The following TMPRSS15 variants were observed in gnomAD, a reference collection of about 807,000 sequenced individuals.
The protein encoded by TMPRSS15 is enteropeptidase.
Under a neutral mutation model 125.3 loss-of-function variants are expected in TMPRSS15, and 128 were observed. That is an observed-to-expected ratio of 1.02 (90% CI 0.89 to 1.18). The LOEUF is 1.18. Ranked by LOEUF, TMPRSS15 falls within the 50% of genes most tolerant of loss-of-function variation. The pLI is 0.00. For synonymous variants in TMPRSS15, 446 were observed against 423.2 expected (o/e 1.05, Z -0.66); for missense variants, 1,283 against 1,212.7 (o/e 1.06, Z -0.86).
intron 3 of TMPRSS15, among the ~76,000 whole-genome samples, chr21:18,387,011 A>T (rs2075950012): frequency 6.6e-6 from 1 of 152,206 alleles, no homozygotes; most frequent in Non-Finnish European, 1.5e-5. Flanking sequence ...CATTACATTT[A>T]ATAATTTATA....
chr21:18,315,038 G>C (rs2075146622), intron 17 of TMPRSS15, 108 bp downstream of exon 17: 2 of 870,122 alleles, frequency 2.3e-6, no homozygotes, highest in East Asian at 2.5e-5. Flanking sequence ...TCGTTCCAAA[G>C]CATCAAAACA....
At chr21:18,367,970 G>A (rs934193162) in intron 6 of TMPRSS15, among the ~76,000 whole-genome samples, 3 of 151,998 alleles carry the variant, frequency 2.0e-5, no homozygotes, top group Admixed American at 6.6e-5. Flanking sequence ...AAAAGCAGGG[G>A]GGAAAGCATA....
At chr21:18,409,890 C>T (rs1215592105) in intron 1 of TMPRSS15, among the ~76,000 whole-genome samples, 2 of 118,646 alleles carry the variant, frequency 1.7e-5, no homozygotes, top group East Asian at 5.9e-4. Flanking sequence ...TCCCTCCCTC[C>T]CTTCCTTCCT....
intron 21 of TMPRSS15, among the ~76,000 whole-genome samples, chr21:18,281,508 G>A (rs1847994371): frequency 6.6e-6 from 1 of 152,092 alleles, no homozygotes; most frequent in Non-Finnish European, 1.5e-5. Context: ...AATCTCGTGA[G>A]GTGCTTTTAA....
intron 10 of TMPRSS15, among the ~76,000 whole-genome samples, chr21:18,348,646 T>G (rs1450335504): frequency 1.3e-5 from 2 of 152,170 alleles, no homozygotes; most frequent in Non-Finnish European, 2.9e-5. Context: ...AATGTTACTT[T>G]TAAAACATTA....
intron 18 of TMPRSS15, among the ~76,000 whole-genome samples, chr21:18,312,441 C>T (rs1168488592): frequency 2.0e-5 from 3 of 150,614 alleles, no homozygotes; most frequent in South Asian, 4.3e-4. Context: ...AATACTGTAG[C>T]GGGAGAGGTT....
At chr21:18,333,365 A>G (rs908292426) in intron 13 of TMPRSS15, among the ~76,000 whole-genome samples, 2 of 152,176 alleles carry the variant, frequency 1.3e-5, no homozygotes, top group Admixed American at 6.5e-5. Flanking sequence ...CCCTAAAATT[A>G]TTTGTACAAA....
At chr21:18,305,658 C>T (rs1170305482) in intron 18 of TMPRSS15, among the ~76,000 whole-genome samples, 2 of 152,130 alleles carry the variant, frequency 1.3e-5, no homozygotes, top group African/African-American at 4.8e-5. Context: ...GCTGGTGTAG[C>T]TGCTGTATTA....
chr21:18,454,759 C>T (rs1007194005), intron 1 of TMPRSS15, among the ~76,000 whole-genome samples: 1 of 152,130 alleles, frequency 6.6e-6, no homozygotes, highest in Admixed American at 6.6e-5. Context: ...TTGGATAATG[C>T]CTGTTCTCAT....
rs374692259 is a variant in TMPRSS15, at chr21:18,452,583, C to T, written c.10+33216G>A. On this transcript the variant is annotated intron_variant, in intron 1 of 7. Coordinates refer to the TMPRSS15 transcript ENST00000422787. ...TGAGAGGCTGAGGTGGGAGAATCAC[C>T]GGAGCCCTGGATGGGATGTTGAGGC... 5.3e-5 allele frequency among the ~76,000 whole-genome samples: 8 copies of T among 152,188 alleles called. No homozygotes were observed. In the South Asian group the frequency reaches 1.0e-3, roughly 20 times the overall value.
At chr21:18,426,802 G>A (rs1160476398) in intron 1 of TMPRSS15, among the ~76,000 whole-genome samples, 1 of 152,068 alleles carries the variant, frequency 6.6e-6, no homozygotes, top group Non-Finnish European at 1.5e-5. Context: ...GTTGCCAAAC[G>A]GTTTGTCAAT....
intron 1 of TMPRSS15, among the ~76,000 whole-genome samples, chr21:18,438,922 T>C (rs540450487): frequency 6.6e-6 from 1 of 152,336 alleles, no homozygotes; most frequent in South Asian, 2.1e-4. Flanking sequence ...ATTCTTTTGT[T>C]TTCCATAAAA....
chr21:18,318,419 A>C (rs28533761), intron 16 of TMPRSS15, among the ~76,000 whole-genome samples: 2,034 of 152,272 alleles, frequency 0.013, 47 homozygotes, highest in African/African-American at 0.043. Flanking sequence ...AAAATAAATA[A>C]ATAAATAAAA....
chr21:18,362,234 T>C (rs2075685371), intron 7 of TMPRSS15, among the ~76,000 whole-genome samples: 1 of 152,256 alleles, frequency 6.6e-6, no homozygotes, highest in Non-Finnish European at 1.5e-5. Context: ...AGCCTGCTGG[T>C]GAGACCTTTA....
chr21:18,306,977 A>G (rs2075045636), intron 18 of TMPRSS15, among the ~76,000 whole-genome samples: 1 of 152,206 alleles, frequency 6.6e-6, no homozygotes, highest in Non-Finnish European at 1.5e-5. Context: ...TCTGAGGGGA[A>G]TTGCATTTTG....
intron 1 of TMPRSS15, among the ~76,000 whole-genome samples, chr21:18,468,964 T>C (rs889183729): frequency 6.6e-6 from 1 of 152,168 alleles, no homozygotes. Flanking sequence ...TTCCTCTGAA[T>C]GAAAGAAATC....
chr21:18,461,439 A>G (rs1421372169), intron 1 of TMPRSS15, among the ~76,000 whole-genome samples: 2 of 152,068 alleles, frequency 1.3e-5, no homozygotes, highest in South Asian at 2.1e-4. Flanking sequence ...CAAAATCCCT[A>G]GTGTTTCAGT....
chr21:18,446,734 T>C (rs929805859), intron 1 of TMPRSS15, among the ~76,000 whole-genome samples: 3 of 152,088 alleles, frequency 2.0e-5, no homozygotes, highest in Non-Finnish European at 4.4e-5. Context: ...AAGCTGAATA[T>C]CCACATGTCG....
At chr21:18,332,224 A>G in intron 13 of TMPRSS15, 51 bp from the exon 14 acceptor site, 1 of 1,485,774 alleles carries the variant, frequency 6.7e-7, no homozygotes, top group Non-Finnish European at 9.4e-7. Flanking sequence ...TTTATTTCAG[A>G]GAGATAATAC....
Sources: gnomAD v4.1 joint callset for allele counts (sites outside exome capture counted in the v4.1 genomes callset) on GRCh38, gnomAD v4.1.1 for gene constraint, MANE v1.5 for transcripts, NCBI Gene and HGNC (gene_info 2026-07-23, HGNC 2026-07-21) for gene names.